Variants in ARHGAP24 observed in about 807,000 individuals in gnomAD.
The protein encoded by ARHGAP24 is Rho GTPase activating protein 24.
In ARHGAP24, 50 loss-of-function variants were observed where a neutral mutation model predicts 76.4. The observed-to-expected ratio is 0.65, with a 90% CI of 0.52 to 0.83. The LOEUF is 0.83. Among genes scored for constraint, ARHGAP24 ranks in the 40% least tolerant of loss-of-function variants. The probability of loss-of-function intolerance (pLI) is 0.00; values close to 1 mark genes in which losing one functional copy is unlikely to be tolerated. For missense variants in ARHGAP24, 930 were observed against 914.2 expected (o/e 1.02, Z -0.22); for synonymous variants, 345 against 323.3 (o/e 1.07, Z -0.72).
intron 5 of ARHGAP24, among the ~76,000 whole-genome samples, chr4:85,951,147 T>C (rs1287735269): frequency 6.6e-6 from 1 of 152,182 alleles, no homozygotes; most frequent in Non-Finnish European, 1.5e-5. Flanking sequence ...CGGTGGCAGA[T>C]ATGCAAAATC....
intron 2 of ARHGAP24, among the ~76,000 whole-genome samples, chr4:85,592,800 G>T (rs1374188277): frequency 6.6e-6 from 1 of 152,150 alleles, no homozygotes; most frequent in Non-Finnish European, 1.5e-5. Flanking sequence ...TTCCATCCAT[G>T]TTGTTCCAAA....
At chr4:85,707,346 T>TC (rs1724353477) in intron 2 of ARHGAP24, among the ~76,000 whole-genome samples, 2 of 152,370 alleles carry the variant, frequency 1.3e-5, no homozygotes, top group African/African-American at 2.4e-5. Flanking sequence ...TGCTTTTTTT[T>TC]CCCTCACCAG....
intron 1 of ARHGAP24, among the ~76,000 whole-genome samples, chr4:85,505,111 C>T (rs1202315042): frequency 1.3e-5 from 2 of 152,164 alleles, no homozygotes; most frequent in Non-Finnish European, 2.9e-5. Context: ...GATGGGCTTC[C>T]CTTTGTGAGT....
chr4:85,650,970 C>T (rs1721918959), intron 2 of ARHGAP24, among the ~76,000 whole-genome samples: 1 of 149,556 alleles, frequency 6.7e-6, no homozygotes, highest in Non-Finnish European at 1.5e-5. Context: ...CCAGGATAAC[C>T]TAGTTCTTCG....
chr4:85,816,762 A>G (rs1729258710), intron 3 of ARHGAP24, among the ~76,000 whole-genome samples: 1 of 152,158 alleles, frequency 6.6e-6, no homozygotes, highest in African/African-American at 2.4e-5. Context: ...CACTGATTTC[A>G]TTTAATTGGA....
chr4:85,894,947 T>G, intron 3 of ARHGAP24, among the ~76,000 whole-genome samples: 1 of 86,994 alleles, frequency 1.1e-5, no homozygotes, highest in African/African-American at 4.9e-5. Context: ...GGCAACAGAA[T>G]GAGACTCCCT....
rs527907883 is a variant in ARHGAP24, at chr4:85,608,653, G to A, written c.180+37932G>A. Among the ~76,000 whole-genome samples the A allele has an allele frequency of 2.9e-5, 4 of 139,520 alleles. No individual in the cohort carries two copies. The South Asian group carries it at 9.6e-4, about 34-fold the overall frequency. 91.5% of individuals were successfully genotyped at this position (139,520 alleles called of 152,430 possible). ...GCTCACTGCAACCTCCACCTTCCTA[G>A]TTCAAGCAATTCCCCTGCCTCAGCC... On this transcript the variant is annotated intron_variant, in intron 2 of 9. Coordinates refer to ENST00000395184, the MANE Select transcript of ARHGAP24 (RefSeq NM_001025616.3).
chr4:85,690,758 G>GTTTTTTT (rs57175662), intron 2 of ARHGAP24, among the ~76,000 whole-genome samples: 4 of 130,760 alleles, frequency 3.1e-5, no homozygotes, highest in Non-Finnish European at 3.3e-5. Flanking sequence ...TGTCAATCTT[G>GTTTTTTT]TTTTTTTTTT....
intron 3 of ARHGAP24, among the ~76,000 whole-genome samples, chr4:85,906,751 T>C (rs537251663): frequency 3.9e-5 from 6 of 152,312 alleles, no homozygotes; most frequent in Non-Finnish European, 8.8e-5. Context: ...AGTGTAGTTA[T>C]TAGCATCATG....
chr4:85,812,069 A>G (rs927174329), intron 3 of ARHGAP24, among the ~76,000 whole-genome samples: 2 of 152,056 alleles, frequency 1.3e-5, no homozygotes, highest in Non-Finnish European at 1.5e-5. Context: ...CCAGCTACTC[A>G]GGAGGCTGAG....
chr4:85,716,492 G>A (rs1193697551), intron 2 of ARHGAP24, among the ~76,000 whole-genome samples: 1 of 152,046 alleles, frequency 6.6e-6, no homozygotes, highest in Admixed American at 6.6e-5. Context: ...ATTGCCATAT[G>A]TGCTGAACTC....
intron 1 of ARHGAP24, among the ~76,000 whole-genome samples, chr4:85,557,168 G>C (rs1196545013): frequency 1.3e-5 from 2 of 152,180 alleles, no homozygotes; most frequent in Non-Finnish European, 2.9e-5. Context: ...GGTGGGGCTG[G>C]GGTGGCCTCA....
At chr4:85,628,964 T>C (rs566164884) in intron 2 of ARHGAP24, among the ~76,000 whole-genome samples, 16 of 152,348 alleles carry the variant, frequency 1.1e-4, no homozygotes, top group African/African-American at 3.6e-4. Flanking sequence ...GACTGGAGAA[T>C]TTAATTCATT....
intron 2 of ARHGAP24, among the ~76,000 whole-genome samples, chr4:85,591,030 G>GT (rs1560544158): frequency 9.8e-5 from 12 of 121,886 alleles, no homozygotes; most frequent in African/African-American, 3.2e-4. Flanking sequence ...AAATCTGCTG[G>GT]GTTTTTTTTT....
intron 3 of ARHGAP24, among the ~76,000 whole-genome samples, chr4:85,849,462 T>C (rs371343024): frequency 6.6e-6 from 1 of 152,236 alleles, no homozygotes; most frequent in Non-Finnish European, 1.5e-5. Context: ...CTGATTGCCC[T>C]GGCCAGAACT....
intron 5 of ARHGAP24, among the ~76,000 whole-genome samples, chr4:85,970,876 C>A (rs1031751875): frequency 1.3e-5 from 2 of 152,220 alleles, no homozygotes; most frequent in Non-Finnish European, 2.9e-5. Context: ...CAACTTCCCA[C>A]ACACAAATTA....
At chr4:85,662,570 T>C (rs1722439904) in intron 2 of ARHGAP24, among the ~76,000 whole-genome samples, 1 of 151,866 alleles carries the variant, frequency 6.6e-6, no homozygotes, top group Admixed American at 6.5e-5. Context: ...GCTTTTGGTG[T>C]TTTAGACATG....
chr4:85,899,900 T>A (rs530312359), intron 3 of ARHGAP24, among the ~76,000 whole-genome samples: 1 of 152,298 alleles, frequency 6.6e-6, no homozygotes, highest in African/African-American at 2.4e-5. Flanking sequence ...AAGTAAAAAG[T>A]AATTCATATT....
intron 3 of ARHGAP24, among the ~76,000 whole-genome samples, chr4:85,738,367 T>TTATTA (rs1725681587): frequency 6.9e-6 from 1 of 144,096 alleles, no homozygotes; most frequent in African/African-American, 2.5e-5. Flanking sequence ...CATTTGGGCT[T>TTATTA]TTATTATTAT....
Sources: allele counts gnomAD v4.1 joint callset (sites outside exome capture counted in the v4.1 genomes callset), GRCh38; gene constraint gnomAD v4.1.1; transcripts MANE v1.5; gene names NCBI Gene and HGNC (gene_info 2026-07-23, HGNC 2026-07-21).